Variants in CTNNA2 observed in about 807,000 individuals in gnomAD.
The protein encoded by CTNNA2 is catenin alpha-2.
A neutral mutation model predicts 101.0 loss-of-function variants in CTNNA2; 42 were observed. That is an observed-to-expected ratio of 0.42 (90% confidence interval 0.32 to 0.54). The LOEUF (loss-of-function observed/expected upper bound fraction) is 0.54. Ranked by LOEUF, CTNNA2 falls within the 20% of genes least tolerant of loss-of-function variation. The pLI is 0.14. For synonymous variants in CTNNA2, 450 were observed against 456.4 expected, an observed-to-expected ratio of 0.99 and a Z score of 0.18; for missense variants, 871 against 1,223.1, an observed-to-expected ratio of 0.71 and a Z score of 4.29.
chr2:79,555,630 A>G (rs1208989674), intron 1 of CTNNA2, among the ~76,000 whole-genome samples: 2 of 152,174 alleles, frequency 1.3e-5, no homozygotes, highest in African/African-American at 4.8e-5. Context: ...ATTCTGTATC[A>G]TGAACAGAAT....
At chr2:79,628,921 G>C (rs2104342371) in intron 1 of CTNNA2, among the ~76,000 whole-genome samples, 1 of 152,292 alleles carries the variant, frequency 6.6e-6, no homozygotes, top group South Asian at 2.1e-4. Flanking sequence ...TCTGCCTTTG[G>C]AGTGGCACTG....
intron 4 of CTNNA2, among the ~76,000 whole-genome samples, chr2:79,864,203 G>C (rs528587344): frequency 6.6e-6 from 1 of 152,308 alleles, no homozygotes; most frequent in Non-Finnish European, 1.5e-5. Context: ...AGGAAAATAG[G>C]GTTCTATTAC....
intron 3 of CTNNA2, among the ~76,000 whole-genome samples, chr2:79,797,908 T>A (rs1675847302): frequency 6.6e-6 from 1 of 151,520 alleles, no homozygotes; most frequent in Non-Finnish European, 1.5e-5. Context: ...TATTTCTTAA[T>A]TTTTTTTATA....
At chr2:79,311,161 G>A (rs1676358591) in intron 2 of CTNNA2, among the ~76,000 whole-genome samples, 1 of 152,192 alleles carries the variant, frequency 6.6e-6, no homozygotes, top group Admixed American at 6.5e-5. Context: ...TGTAATCCCA[G>A]CACTTTGGGA....
intron 2 of CTNNA2, among the ~76,000 whole-genome samples, chr2:79,693,393 G>A (rs1684448309): frequency 6.6e-6 from 1 of 151,680 alleles, no homozygotes; most frequent in African/African-American, 2.4e-5. Context: ...CTAATACCTA[G>A]AGTCTACACA....
At chr2:79,881,345 G>C (rs531539895) in intron 6 of CTNNA2, among the ~76,000 whole-genome samples, 1 of 152,300 alleles carries the variant, frequency 6.6e-6, no homozygotes, top group South Asian at 2.1e-4. Flanking sequence ...CCAGAGCTGA[G>C]TTCAGTCCTG....
At chr2:79,279,651 G>A (rs1011809447) in intron 2 of CTNNA2, among the ~76,000 whole-genome samples, 1 of 152,130 alleles carries the variant, frequency 6.6e-6, no homozygotes, top group Admixed American at 6.6e-5. Flanking sequence ...CATTGAGTCT[G>A]TCTAAACAAA....
chr2:80,339,808 G>A (rs1672074787), intron 7 of CTNNA2, among the ~76,000 whole-genome samples: 1 of 152,186 alleles, frequency 6.6e-6, no homozygotes, highest in East Asian at 1.9e-4. Flanking sequence ...TCAGACAACA[G>A]ATGACTTTGA....
At chr2:80,406,853 A>AG (rs1444949446) in intron 8 of CTNNA2, among the ~76,000 whole-genome samples, 3 of 150,710 alleles carry the variant, frequency 2.0e-5, no homozygotes, top group African/African-American at 7.3e-5. Flanking sequence ...AAAAAAGAAA[A>AG]GGGATAACTT....
intron 7 of CTNNA2, among the ~76,000 whole-genome samples, chr2:80,149,327 T>C (rs1355117246): frequency 2.6e-5 from 4 of 152,328 alleles, no homozygotes; most frequent in African/African-American, 9.6e-5. Context: ...ATAAAATACA[T>C]GTTTTTGATC....
At chr2:80,350,050 G>A (rs1673139456) in intron 7 of CTNNA2, among the ~76,000 whole-genome samples, 1 of 152,132 alleles carries the variant, frequency 6.6e-6, no homozygotes, top group African/African-American at 2.4e-5. Context: ...AATGGAGTAT[G>A]AATGAATCTT....
At chr2:80,368,835 GTGTGTGTATATA>G (rs984451668) in intron 7 of CTNNA2, among the ~76,000 whole-genome samples, 1 of 138,190 alleles carries the variant, frequency 7.2e-6, no homozygotes, top group African/African-American at 3.2e-5. Flanking sequence ...ATATATATGT[GTGTGTGTATATA>G]TGTGTGTGTG....
chr2:80,224,614 T>C (rs1708766659), intron 7 of CTNNA2, among the ~76,000 whole-genome samples: 1 of 151,708 alleles, frequency 6.6e-6, no homozygotes, highest in South Asian at 2.1e-4. Flanking sequence ...CCGGCTAATG[T>C]TTTGTATTTT....
At chr2:80,370,239 G>C (rs1675317495) in intron 7 of CTNNA2, among the ~76,000 whole-genome samples, 1 of 149,036 alleles carries the variant, frequency 6.7e-6, no homozygotes, top group African/African-American at 2.5e-5. Context: ...TATTGTATAT[G>C]AACATATTTG....
At chr2:80,028,660 TAAG>T (rs1032831977) in intron 7 of CTNNA2, among the ~76,000 whole-genome samples, 3 of 152,194 alleles carry the variant, frequency 2.0e-5, no homozygotes, top group African/African-American at 4.8e-5. Context: ...GACCTTAAAA[TAAG>T]AAGACTATGC....
chr2:80,450,532 T>C (rs900026594), intron 9 of CTNNA2, among the ~76,000 whole-genome samples: 1 of 152,192 alleles, frequency 6.6e-6, no homozygotes, highest in Non-Finnish European at 1.5e-5. Context: ...CAAGGAATTC[T>C]TGTAGTAATT....
intron 3 of CTNNA2, among the ~76,000 whole-genome samples, chr2:79,316,788 C>T (rs955828481): frequency 4.6e-5 from 7 of 150,748 alleles, no homozygotes; most frequent in Admixed American, 3.3e-4. Flanking sequence ...ATTTATTATC[C>T]CTAATAGTTC....
At chr2:80,387,268 A>G (rs898456077) in intron 7 of CTNNA2, among the ~76,000 whole-genome samples, 4 of 152,092 alleles carry the variant, frequency 2.6e-5, no homozygotes, top group East Asian at 3.8e-4. Context: ...CAGCCTGGGC[A>G]ATAGAGCAAG....
At chr2:79,764,455 G>A (rs940013711) in intron 3 of CTNNA2, among the ~76,000 whole-genome samples, 1 of 152,220 alleles carries the variant, frequency 6.6e-6, no homozygotes, top group Middle Eastern at 3.4e-3. Context: ...GCATATACAT[G>A]GATTGAAGTC....
Sources: gnomAD v4.1 joint callset for allele counts (sites outside exome capture counted in the v4.1 genomes callset) on GRCh38, gnomAD v4.1.1 for gene constraint, MANE v1.5 for transcripts, NCBI Gene and HGNC (gene_info 2026-07-23, HGNC 2026-07-21) for gene names.